The following PHF24 variants were observed in gnomAD, a reference collection of about 807,000 sequenced individuals.
The protein encoded by PHF24 is Galpha inhibitory interacting protein.
Under a neutral mutation model 42.6 loss-of-function variants are expected in PHF24, and 25 were observed. The observed-to-expected ratio is 0.59, with a 90% CI of 0.43 to 0.82. The LOEUF is 0.82. Among genes scored for constraint, PHF24 ranks in the 40% least tolerant of loss-of-function variants. The probability of loss-of-function intolerance (pLI) is 0.00; values close to 1 mark genes in which losing one functional copy is unlikely to be tolerated. For missense variants in PHF24, 470 were observed against 538.1 expected (o/e 0.87, Z 1.25); for synonymous variants, 185 against 204.8 (o/e 0.90, Z 0.83).
chr9:34,833,397 A>G, the PHF24 span: 2 of 1,550,792 alleles, frequency 1.3e-6, no homozygotes, highest in Admixed American at 3.9e-5. Context: ...ACTGCCTTCA[A>G]GTCATTGGCC....
the PHF24 span, chr9:34,922,167 A>G: frequency 6.3e-7 from 1 of 1,581,862 alleles, no homozygotes; most frequent in Non-Finnish European, 8.6e-7. Flanking sequence ...CGAGGCAGAC[A>G]AAAGTTGGAA....
the PHF24 span, among the ~76,000 whole-genome samples, chr9:34,739,828 C>T: frequency 5.3e-5 from 8 of 152,090 alleles, no homozygotes; most frequent in Non-Finnish European, 7.4e-5. Context: ...CTTATCTGGC[C>T]CCACCCACAT....
chr9:34,716,907 C>T, the PHF24 span, among the ~76,000 whole-genome samples: 1 of 152,160 alleles, frequency 6.6e-6, no homozygotes, highest in Non-Finnish European at 1.5e-5. Flanking sequence ...CTGCACCCGG[C>T]CTGGTTTTAA....
chr9:34,724,486 A>G, the PHF24 span: 18 of 1,551,776 alleles, frequency 1.2e-5, no homozygotes, highest in Non-Finnish European at 1.6e-5. Flanking sequence ...CTGGTGCTGC[A>G]ACAGTTTGTT....
the PHF24 span, among the ~76,000 whole-genome samples, chr9:34,900,142 C>T: frequency 6.6e-6 from 1 of 152,130 alleles, no homozygotes; most frequent in Non-Finnish European, 1.5e-5. Flanking sequence ...ACAATTTATG[C>T]CAAGCGAAAC....
chr9:34,832,377 G>A, the PHF24 span: 13 of 949,248 alleles, frequency 1.4e-5, no homozygotes, highest in Middle Eastern at 2.1e-4. Context: ...TGGGGTTGAG[G>A]CAGAGCCAGG....
chr9:34,894,948 C>G, the PHF24 span: 1 of 398,012 alleles, frequency 2.5e-6, no homozygotes, highest in Non-Finnish European at 4.4e-6. Context: ...GTTAGAGCAC[C>G]TGCTGTTAGC....
chr9:34,852,383 A>G, the PHF24 span, among the ~76,000 whole-genome samples: 5 of 152,214 alleles, frequency 3.3e-5, no homozygotes, highest in African/African-American at 1.2e-4. Flanking sequence ...TGTCAACTGC[A>G]TATGTTTCCA....
At chr9:34,932,502 A>C in the PHF24 span, among the ~76,000 whole-genome samples, 1 of 152,226 alleles carries the variant, frequency 6.6e-6, no homozygotes, top group Middle Eastern at 3.4e-3. Flanking sequence ...TCACCTAACC[A>C]CTGTTGAATA....
chr9:34,729,187 A>G, the PHF24 span: 18 of 1,383,846 alleles, frequency 1.3e-5, no homozygotes, highest in Admixed American at 2.8e-5. Context: ...AAAGTATGCT[A>G]TAAAAATTCT....
chr9:34,707,547 A>G, the PHF24 span, among the ~76,000 whole-genome samples: 1 of 152,188 alleles, frequency 6.6e-6, no homozygotes, highest in Non-Finnish European at 1.5e-5. Context: ...CTGCCCTAGG[A>G]CAGGCAGGGG....
At chr9:34,765,325 G>A in the PHF24 span, among the ~76,000 whole-genome samples, 2 of 150,238 alleles carry the variant, frequency 1.3e-5, no homozygotes, top group South Asian at 4.3e-4. Context: ...TTATTATTGT[G>A]TGGGCGTCTA....
intron 1 of PHF24, among the ~76,000 whole-genome samples, chr9:34,960,375 G>A (rs1370142947): frequency 2.0e-5 from 3 of 152,176 alleles, no homozygotes; most frequent in Non-Finnish European, 2.9e-5. Context: ...TTTACCAGTT[G>A]TTAGATTTTT....
the PHF24 span, among the ~76,000 whole-genome samples, chr9:34,761,878 G>A: frequency 6.6e-6 from 1 of 152,154 alleles, no homozygotes; most frequent in African/African-American, 2.4e-5. Context: ...CTCAGAGTGT[G>A]ATGCTCCCCT....
chr9:34,910,065 T>G, the PHF24 span, among the ~76,000 whole-genome samples: 3 of 152,230 alleles, frequency 2.0e-5, no homozygotes. Flanking sequence ...GTATCACTTA[T>G]AAAATTGTGG....
At chr9:34,960,040 G>A (rs1052670977) in intron 1 of PHF24, among the ~76,000 whole-genome samples, 2 of 152,190 alleles carry the variant, frequency 1.3e-5, no homozygotes, top group African/African-American at 2.4e-5. Flanking sequence ...AGTCTGTTAG[G>A]GGGAGCGCAA....
chr9:34,977,847 A>G (rs1213472687), intron 7 of PHF24, among the ~76,000 whole-genome samples, 168 bp from the exon 8 acceptor site: 2 of 152,146 alleles, frequency 1.3e-5, no homozygotes, highest in African/African-American at 4.8e-5. Context: ...TAGCCAGGTC[A>G]GGCATGAGCC....
the PHF24 span, among the ~76,000 whole-genome samples, chr9:34,732,056 C>T: frequency 6.9e-6 from 1 of 144,724 alleles, no homozygotes; most frequent in African/African-American, 2.6e-5. Flanking sequence ...GAGATGAGGT[C>T]TCACTTTATT....
chr9:34,670,751 T>A, the PHF24 span, among the ~76,000 whole-genome samples: 12 of 152,248 alleles, frequency 7.9e-5, no homozygotes, highest in East Asian at 2.3e-3. Flanking sequence ...GAGGTAGGAA[T>A]GTGTCTCCTC....
Sources: allele counts gnomAD v4.1 joint callset (sites outside exome capture counted in the v4.1 genomes callset), GRCh38; gene constraint gnomAD v4.1.1; transcripts MANE v1.5; gene names NCBI Gene and HGNC (gene_info 2026-07-23, HGNC 2026-07-21).